ABCA13: variants seen among roughly 807,000 people sequenced by gnomAD.
The protein encoded by ABCA13 is ATP binding cassette subfamily A member 13, also known as ATP-binding cassette sub-family A member 13.
ABCA13 carries 476 observed loss-of-function variants against 478.7 expected under a neutral mutation model. The observed-to-expected ratio is 0.99, with a 90% CI of 0.92 to 1.07. The LOEUF (loss-of-function observed/expected upper bound fraction) is 1.07. Among genes scored for constraint, ABCA13 ranks in the 50% least tolerant of loss-of-function variants. The pLI, the probability that ABCA13 is intolerant of heterozygous loss-of-function variation, is 0.00. For synonymous variants in ABCA13, 2,252 were observed against 2,158.9 expected (o/e 1.04, Z -1.20); for missense variants, 6,060 against 5,910.6 (o/e 1.03, Z -0.83).
At position 48,274,998 on chromosome 7, in the gene ABCA13, C is replaced by T; in HGVS notation, c.5332C>T (p.Leu1778Phe). ...GLKDVYSFTL[L>F]HGITISNITK... ...CAAGGATGTCTACAGCTTCACACTC[C>T]TTCATGGCATAACCATTTCAAATAT... The change falls in exon 17 of 62, where the codon CTT becomes TTT. Residue 1778 changes from leucine (L) to phenylalanine (F), a missense_variant. Physicochemically the swap from Leu to Phe is conservative, Grantham distance 22. Transcript: ENST00000435803. The T allele has an allele frequency of 6.2e-7, 1 of 1,613,826 alleles. No homozygotes were observed. The highest frequency in any genetic ancestry group is 2.2e-5 in the East Asian group (1 of 44,900).
chr7:48,313,652 A>T (rs941633807), intron 25 of ABCA13, among the ~76,000 whole-genome samples: 2 of 152,228 alleles, frequency 1.3e-5, no homozygotes, highest in Admixed American at 6.5e-5. Flanking sequence ...ATGCAAACAC[A>T]AACTTGATTT....
At chr7:48,438,540 T>C (rs1373112605) in intron 42 of ABCA13, among the ~76,000 whole-genome samples, 1 of 151,328 alleles carries the variant, frequency 6.6e-6, no homozygotes, top group African/African-American at 2.4e-5. Context: ...TTTTGACGTT[T>C]GAGCAGAAGG....
intron 59 of ABCA13, among the ~76,000 whole-genome samples, chr7:48,631,342 T>TG: frequency 6.6e-6 from 1 of 152,212 alleles, no homozygotes; most frequent in South Asian, 2.1e-4. Context: ...TGGTGAAAGA[T>TG]GGGGGTCCAG....
chr7:48,178,989 AAT>A (rs1428752669), intron 1 of ABCA13, among the ~76,000 whole-genome samples: 1 of 146,990 alleles, frequency 6.8e-6, no homozygotes, highest in African/African-American at 2.5e-5. Context: ...TAATAATAAT[AAT>A]AATAATAATA....
intron 58 of ABCA13, 77 bp downstream of exon 58, chr7:48,594,890 G>T (rs1790124356): frequency 4.2e-6 from 5 of 1,196,660 alleles, no homozygotes; most frequent in South Asian, 2.5e-5. Flanking sequence ...TTAGGTACCT[G>T]CACAGTGTTA....
intron 59 of ABCA13, among the ~76,000 whole-genome samples, chr7:48,633,170 A>G (rs978551723): frequency 6.6e-6 from 1 of 152,216 alleles, no homozygotes; most frequent in Non-Finnish European, 1.5e-5. Context: ...CTGATAAGAA[A>G]TTGGCATCCA....
intron 13 of ABCA13, among the ~76,000 whole-genome samples, chr7:48,248,028 A>G (rs1006244340): frequency 6.6e-6 from 1 of 152,186 alleles, no homozygotes; most frequent in Non-Finnish European, 1.5e-5. Flanking sequence ...TTATTGGATT[A>G]AGTTTTATTT....
chr7:48,498,188 G>A (rs1262770432), intron 48 of ABCA13, among the ~76,000 whole-genome samples: 1 of 152,196 alleles, frequency 6.6e-6, no homozygotes, highest in Non-Finnish European at 1.5e-5. Flanking sequence ...TACCCAATGG[G>A]CCCTGCTGAA....
At chr7:48,257,626 C>A (rs920812763) in intron 15 of ABCA13, among the ~76,000 whole-genome samples, 1 of 152,102 alleles carries the variant, frequency 6.6e-6, no homozygotes, top group South Asian at 2.1e-4. Context: ...ATATGTTGGA[C>A]CAAACTTTCA....
At chr7:48,486,628 T>C (rs1239713903) in intron 47 of ABCA13, among the ~76,000 whole-genome samples, 3 of 152,176 alleles carry the variant, frequency 2.0e-5, no homozygotes, top group African/African-American at 7.2e-5. Context: ...ATCACTATAT[T>C]GGTACTCTAT....
At position 48,269,006 on chromosome 7, in the gene ABCA13, G is replaced by T. The variant is rs752540527; in HGVS notation, c.2032G>T (p.Glu678Ter). The T allele has an allele frequency of 6.3e-7, 1 of 1,592,090 alleles. No homozygotes were observed. Among genetic ancestry groups the T allele is most frequent in the South Asian group, 1.1e-5 (1 of 88,964 alleles). Reference sequence around the variant, plus strand: ...TTTTCCTGAGGAATCTCCTTGTTTTGAAGAAAACATGGATTGGAAAATGAT... The same window carrying T: ...TTTTCCTGAGGAATCTCCTTGTTTTTAAGAAAACATGGATTGGAAAATGAT... ...LAFPEESPCF[E>*]ENMDWKMISD... The change falls in exon 16 of 62, where the codon GAA (glutamate) becomes TAA (stop). Residue 678 changes from glutamate to a stop codon, truncating the protein, a stop_gained. Coordinates refer to ENST00000435803, the MANE Select transcript of ABCA13 (RefSeq NM_152701.5). LOFTEE classifies it high-confidence loss of function.
chr7:48,517,730 G>C (rs148917623), intron 52 of ABCA13, among the ~76,000 whole-genome samples: 1 of 152,104 alleles, frequency 6.6e-6, no homozygotes, highest in Non-Finnish European at 1.5e-5. Context: ...TTTTCATTCT[G>C]TTTTCTTTTC....
chr7:48,430,448 G>A (rs11980366), intron 42 of ABCA13, among the ~76,000 whole-genome samples: 2,237 of 152,120 alleles, frequency 0.015, 53 homozygotes, highest in African/African-American at 0.051. Flanking sequence ...AGCTGAGCTG[G>A]GTGGATCATG....
chr7:48,529,786 TA>T (rs1833103373), intron 55 of ABCA13, among the ~76,000 whole-genome samples: 1 of 152,198 alleles, frequency 6.6e-6, no homozygotes, highest in Admixed American at 6.5e-5. Context: ...AATCACTTGC[TA>T]AAATAAATAT....
intron 29 of ABCA13, among the ~76,000 whole-genome samples, chr7:48,342,820 C>T (rs187141760): frequency 1.5e-4 from 23 of 152,192 alleles, no homozygotes; most frequent in Middle Eastern, 3.4e-3. Flanking sequence ...GTTTTTTAAT[C>T]GACAAATTCT....
chr7:48,605,489 A>G (rs1791375482), intron 58 of ABCA13, among the ~76,000 whole-genome samples: 1 of 151,942 alleles, frequency 6.6e-6, no homozygotes, highest in African/African-American at 2.4e-5. Context: ...AAGGCTGGAT[A>G]TGAAATTCTA....
intron 55 of ABCA13, among the ~76,000 whole-genome samples, chr7:48,533,369 A>G (rs984053456): frequency 6.6e-6 from 1 of 152,078 alleles, no homozygotes. Context: ...AGTACTTAAT[A>G]TAATTGTGAT....
At chr7:48,412,639 A>C (rs1044836298) in intron 41 of ABCA13, 56 bp downstream of exon 41, 1 of 1,397,800 alleles carries the variant, frequency 7.2e-7, no homozygotes, top group African/African-American at 1.5e-5. Flanking sequence ...ACCAGTCCAC[A>C]TTAAATGAAG....
chr7:48,591,522 A>G (rs1436912593), intron 57 of ABCA13, among the ~76,000 whole-genome samples: 3 of 151,968 alleles, frequency 2.0e-5, no homozygotes, highest in East Asian at 1.9e-4. Flanking sequence ...AAAAATGACA[A>G]TGGAATTGTA....
Sources: allele counts gnomAD v4.1 joint callset (sites outside exome capture counted in the v4.1 genomes callset), GRCh38; gene constraint gnomAD v4.1.1; transcripts MANE v1.5; gene names NCBI Gene and HGNC (gene_info 2026-07-23, HGNC 2026-07-21).